The following DLGAP4 variants were observed in gnomAD, a reference collection of about 807,000 sequenced individuals.
The protein encoded by DLGAP4 is DLG associated protein 4, also known as disks large-associated protein 4.
Under a neutral mutation model 86.9 loss-of-function variants are expected in DLGAP4, and 18 were observed. The observed-to-expected ratio is 0.21, with a 90% CI of 0.14 to 0.31. The LOEUF (loss-of-function observed/expected upper bound fraction) is 0.31, where lower values mean the gene tolerates loss of function less well. Ranked by LOEUF, DLGAP4 falls within the 10% of genes least tolerant of loss-of-function variation. DLGAP4 has a pLI of 1.00. For missense variants in DLGAP4, 1,085 were observed against 1,362.6 expected, an observed-to-expected ratio of 0.80 and a Z score of 3.21; for synonymous variants, 548 against 574.3, an observed-to-expected ratio of 0.95 and a Z score of 0.65.
intron 1 of DLGAP4, among the ~76,000 whole-genome samples, chr20:36,335,702 T>C (rs578187263): frequency 6.6e-6 from 1 of 152,306 alleles, no homozygotes; most frequent in South Asian, 2.1e-4. Context: ...GACCCGTCTT[T>C]GCCTTTGCAC....
chr20:36,468,924 C>T (rs1238533937), intron 7 of DLGAP4, among the ~76,000 whole-genome samples: 2 of 152,204 alleles, frequency 1.3e-5, no homozygotes, highest in Non-Finnish European at 2.9e-5. Context: ...TGCTCATTCT[C>T]CCGTATATTC....
rs1218637260 is a variant in DLGAP4, at chr20:36,527,664, A to C, written c.*633A>C. The C allele has an allele frequency of 6.5e-6, 1 of 152,690 alleles. No homozygotes were observed. Among genetic ancestry groups the C allele is most frequent in the Non-Finnish European group, 1.5e-5 (1 of 68,184 alleles). 9.5% of individuals were successfully genotyped at this position (152,690 alleles called of 1,614,324 possible). Reference sequence around the variant, plus strand: ...CGCGCACACACACACACGCAGATGGAGGCGCCTCACTGGGAGGTGCCCCGC... The same window carrying C: ...CGCGCACACACACACACGCAGATGGCGGCGCCTCACTGGGAGGTGCCCCGC... On this transcript the variant is annotated 3_prime_UTR_variant, in exon 13 of 13. Transcript: ENST00000339266.
At chr20:36,502,836 G>C (rs1466080872) in intron 10 of DLGAP4, among the ~76,000 whole-genome samples, 1 of 151,546 alleles carries the variant, frequency 6.6e-6, no homozygotes, top group Non-Finnish European at 1.5e-5. Flanking sequence ...TGATTCTCCT[G>C]CCTCAGCCTC....
chr20:36,450,607 A>C (rs1344760892), intron 7 of DLGAP4, among the ~76,000 whole-genome samples: 1 of 152,152 alleles, frequency 6.6e-6, no homozygotes, highest in African/African-American at 2.4e-5. Flanking sequence ...AAGACCCCCA[A>C]AAGTCTCATC....
intron 10 of DLGAP4, among the ~76,000 whole-genome samples, chr20:36,513,160 G>A (rs2036820394): frequency 6.6e-6 from 1 of 151,354 alleles, no homozygotes; most frequent in African/African-American, 2.4e-5. Flanking sequence ...CTGAACTCAA[G>A]TCATCTGCCC....
chr20:36,317,275 C>CT (rs1187191668), intron 1 of DLGAP4, among the ~76,000 whole-genome samples: 8 of 8,482 alleles, frequency 9.4e-4, no homozygotes, highest in South Asian at 6.4e-3. Flanking sequence ...TTCTTTCTTT[C>CT]TTATCTTTCT....
intron 2 of DLGAP4, among the ~76,000 whole-genome samples, chr20:36,384,625 G>T (rs951735746): frequency 6.6e-6 from 1 of 152,138 alleles, no homozygotes; most frequent in African/African-American, 2.4e-5. Context: ...CTAATGGGTG[G>T]GACAGGGCTT....
chr20:36,432,102 G>C lies in DLGAP4; in HGVS notation c.385G>C (p.Ala129Pro). ...CACCCTCCAATTTCCCCGTGGCGAG[G>C]CCAAGGCCCGTGGTGAGAGCCCTGG... The part of the protein sequence containing the change: ...FSTLQFPRGE[A>P]KARGESPGRI... The change falls in exon 3 of 13, where the codon GCC becomes CCC. Residue 129 changes from alanine (A) to proline (P), a missense_variant. Transcript: ENST00000339266. The surrounding 1 kb of genome is among the most constrained non-coding windows in gnomAD (Gnocchi z 6.5). 6.2e-7 allele frequency: 1 copy of C among 1,614,160 alleles called. No homozygotes were observed. Among genetic ancestry groups the C allele is most frequent in the African/African-American group, 1.3e-5 (1 of 75,062 alleles).
At chr20:36,409,487 G>T (rs1435243897) in intron 2 of DLGAP4, among the ~76,000 whole-genome samples, 3 of 148,752 alleles carry the variant, frequency 2.0e-5, no homozygotes, top group Non-Finnish European at 4.4e-5. Context: ...CCTATGGGAG[G>T]CTGAGGCGGG....
chr20:36,365,604 G>A (rs182867388), intron 1 of DLGAP4, among the ~76,000 whole-genome samples: 2 of 152,274 alleles, frequency 1.3e-5, no homozygotes, highest in East Asian at 3.9e-4. Flanking sequence ...GAAGCTCTCC[G>A]TGCCTTGGAT....
chr20:36,331,999 T>G (rs2065273528), intron 1 of DLGAP4, among the ~76,000 whole-genome samples: 1 of 149,392 alleles, frequency 6.7e-6, no homozygotes, highest in South Asian at 2.1e-4. Context: ...GGAGATGAAG[T>G]CAGAGAAATA....
chr20:36,522,477 A>C (rs540742941), intron 10 of DLGAP4, among the ~76,000 whole-genome samples: 66 of 151,902 alleles, frequency 4.3e-4, no homozygotes, highest in Middle Eastern at 6.9e-3. Flanking sequence ...TTTTAATTTC[A>C]AATAAGAGAT....
At chr20:36,338,935 G>T (rs1314517421) in intron 1 of DLGAP4, among the ~76,000 whole-genome samples, 1 of 152,210 alleles carries the variant, frequency 6.6e-6, no homozygotes, top group Non-Finnish European at 1.5e-5. Context: ...AAGCATGAAG[G>T]CCTGGGAACA....
intron 7 of DLGAP4, chr20:36,493,282 G>A (rs1039169789): frequency 9.2e-5 from 14 of 152,246 alleles, no homozygotes; most frequent in Admixed American, 6.5e-4. Context: ...TCTGAAACTA[G>A]AGAATTTCAG....
intron 1 of DLGAP4, among the ~76,000 whole-genome samples, chr20:36,358,665 G>A (rs559484274): frequency 7.9e-5 from 12 of 152,176 alleles, no homozygotes; most frequent in East Asian, 1.9e-4. Flanking sequence ...AAAATTAGCC[G>A]GGTGTGGTGG....
chr20:36,442,884 G>C (rs1336372209), intron 6 of DLGAP4, 107 bp downstream of exon 6: 1 of 1,471,292 alleles, frequency 6.8e-7, no homozygotes, highest in East Asian at 2.3e-5. Flanking sequence ...GGTACAAGCA[G>C]AGCCATCACC....
At chr20:36,325,272 A>C (rs1364494225) in intron 1 of DLGAP4, among the ~76,000 whole-genome samples, 1 of 151,832 alleles carries the variant, frequency 6.6e-6, no homozygotes, top group Non-Finnish European at 1.5e-5. Context: ...TTTTTCAGGG[A>C]TCTTTCTGTT....
At chr20:36,316,232 C>T (rs1252244229) in intron 1 of DLGAP4, among the ~76,000 whole-genome samples, 1 of 152,232 alleles carries the variant, frequency 6.6e-6, no homozygotes, top group African/African-American at 2.4e-5. Flanking sequence ...TAAGTAACCA[C>T]ATCCAGCTGC....
chr20:36,507,211 TG>T (rs779289248), intron 10 of DLGAP4, among the ~76,000 whole-genome samples: 184 of 151,078 alleles, frequency 1.2e-3, no homozygotes, highest in Non-Finnish European at 2.0e-3. Context: ...GCACAAAAGT[TG>T]TTTTTTTTTT....
Sources: allele counts gnomAD v4.1 joint callset (sites outside exome capture counted in the v4.1 genomes callset), GRCh38; gene constraint gnomAD v4.1.1; non-coding constraint Gnocchi (gnomAD v3.1); transcripts MANE v1.5; gene names NCBI Gene and HGNC (gene_info 2026-07-23, HGNC 2026-07-21).